The following FAM90A1 variants were observed in gnomAD, a reference collection of about 807,000 sequenced individuals.
The protein encoded by FAM90A1 is protein FAM90A1.
A neutral mutation model predicts 14.8 loss-of-function variants in FAM90A1; 10 were observed. The observed-to-expected ratio is 0.67, with a 90% confidence interval of 0.42 to 1.14. FAM90A1 has a LOEUF of 1.14. Ranked by LOEUF, FAM90A1 falls within the 50% of genes most tolerant of loss-of-function variation. The probability of loss-of-function intolerance (pLI) is 0.00; values close to 1 mark genes in which losing one functional copy is unlikely to be tolerated. For synonymous variants in FAM90A1, 236 were observed against 248.4 expected (o/e 0.95, Z 0.47); for missense variants, 567 against 602.8 (o/e 0.94, Z 0.62).
Position 8,224,367 on chromosome 12 carries a change from C to T in FAM90A1, c.124-152G>A, listed in dbSNP as rs372540688. 1,051 of 777,366 alleles carry T rather than the reference C, an allele frequency of 1.4e-3. 14 individuals carry two copies. The South Asian group carries it at 0.016, about 12-fold the overall frequency. The allele number at this position is 777,366 out of a possible 1,614,324, so 48.2% of individuals were successfully genotyped here. On this transcript the variant is annotated intron_variant, in intron 4 of 6. Coordinates refer to ENST00000538603, the MANE Select transcript of FAM90A1 (RefSeq NM_018088.3). ...GGGGCCGTTAAGTGCTGGGAGAGTT[C>T]GGATACGATGTTCCCTCCCAAAGCC...
In FAM90A1 at chr12:8,221,993, C is replaced by G. The variant is rs11044099; in HGVS notation, c.1224G>C (p.Leu408=). 468 of 1,597,348 alleles carry G rather than the reference C, an allele frequency of 2.9e-4. 3 individuals carry two copies. Among genetic ancestry groups the G allele is most frequent in the East Asian group, 1.5e-3 (67 of 44,850 alleles). ...RLENGRWSSS[L]LTAPSFHSPE... ...GAGAGTGAAATGAGGGGGCCGTCAG[C>G]AGGCTGGAGCTCCAGCGTCCGTTTT... The change falls in exon 7 of 7, where the codon CTG becomes CTC. Residue 408 remains leucine (L), a synonymous_variant. Coordinates refer to ENST00000538603, the MANE Select transcript of FAM90A1 (RefSeq NM_018088.3).
rs779104461 is a variant in FAM90A1, at chr12:8,222,530, T to A, written c.687A>T (p.Thr229=). The A allele has an allele frequency of 1.3e-5, 21 of 1,611,902 alleles. No homozygotes were observed. In the Admixed American group the frequency reaches 3.5e-4, roughly 27 times the overall value. ...GPEPLLVVKP[T]HSSPAGGCRE... ...GACAGCCACCCGCAGGGCTGCTGTG[T>A]GTCGGCTTCACCACGAGGAGAGGCT... Residue 229 remains threonine (T), a synonymous_variant, in exon 7 of 7, where the codon ACA becomes ACT. Coordinates refer to ENST00000538603, the MANE Select transcript of FAM90A1 (RefSeq NM_018088.3).
chr12:8,222,637 A>T lies in FAM90A1; in HGVS notation c.580T>A (p.Ser194Thr). ...CTTTCCTTTGGTCCAAGACTTGAGGAGGAGCTCAGACTGGCTTTTCTGAGG... is the reference window on the plus strand; with the variant it reads ...CTTTCCTTTGGTCCAAGACTTGAGGTGGAGCTCAGACTGGCTTTTCTGAGG... ...SPLRKASLSSSSSLGPKERQT... is the reference protein window; with the variant it reads ...SPLRKASLSSTSSLGPKERQT... The change falls in exon 7 of 7, where the codon TCC (serine) becomes ACC (threonine). Residue 194 changes from serine (S) to threonine (T), a missense_variant. Ser to Thr is a moderately conservative substitution (Grantham distance 58). Coordinates refer to ENST00000538603, the MANE Select transcript of FAM90A1 (RefSeq NM_018088.3). 2 of 1,611,734 alleles carry T rather than the reference A, an allele frequency of 1.2e-6. No homozygotes were observed. Among genetic ancestry groups the T allele is most frequent in the Non-Finnish European group, 8.5e-7 (1 of 1,179,854 alleles).
intron 1 of FAM90A1, 82 bp downstream of exon 1, chr12:8,227,398 G>C (rs1201089362): frequency 2.6e-6 from 1 of 388,800 alleles, no homozygotes; most frequent in East Asian, 5.4e-5. Flanking sequence ...AGGGCAGCGG[G>C]AGTCCTCGTG....
At position 8,224,013 on chromosome 12, in the gene FAM90A1, C is replaced by T. The variant is rs1374781806; in HGVS notation, c.323+3G>A. ...AGTGGTGAAAACCACTCCCACTGCT[C>T]ACCTTGGTCTCTCTTCCTTCTCTCC... On this transcript the variant is annotated splice_donor_region_variant and intron_variant, in intron 5 of 6. Coordinates refer to ENST00000538603, the MANE Select transcript of FAM90A1 (RefSeq NM_018088.3). 15 of 1,611,904 alleles carry T rather than the reference C, an allele frequency of 9.3e-6. No individual in the cohort carries two copies. The highest frequency in any genetic ancestry group is 1.2e-5 in the Non-Finnish European group (14 of 1,179,780).
chr12:8,224,330 G>A (rs1391628734), intron 4 of FAM90A1, 115 bp from the exon 5 acceptor site: 3 of 950,738 alleles, frequency 3.2e-6, no homozygotes, highest in Admixed American at 3.9e-5. Flanking sequence ...CCAAAGAGGG[G>A]ACACCGGCAT....
Position 8,222,738 on chromosome 12 carries a change from C to T in FAM90A1, c.479G>A (p.Arg160His), listed in dbSNP as rs756120013. The T allele has an allele frequency of 4.4e-6, 7 of 1,603,738 alleles. No individual in the cohort carries two copies. The highest frequency in any genetic ancestry group is 5.9e-6 in the Non-Finnish European group (7 of 1,179,794). Residue 160 changes from arginine to histidine, a missense_variant, in exon 7 of 7, where the codon CGT (arginine) becomes CAT (histidine). By Grantham distance (29) the Arg-to-His change is conservative. Transcript: ENST00000538603. Reference sequence around the variant, plus strand: ...GCGATCAGAGAGGACAGGGTCCACACGCGGCCTCTTACTGGTTGTGTGGAC... The same window carrying T: ...GCGATCAGAGAGGACAGGGTCCACATGCGGCCTCTTACTGGTTGTGTGGAC... ...MPVHTTSKRP[R>H]VDPVLSDRSA...
At chr12:8,224,550 A>C (rs1228116803) in intron 4 of FAM90A1, among the ~76,000 whole-genome samples, 160 bp downstream of exon 4, 2 of 152,198 alleles carry the variant, frequency 1.3e-5, no homozygotes, top group African/African-American at 4.8e-5. Flanking sequence ...CGGGCCGGGG[A>C]GGAGGTCCCA....
In FAM90A1 at chr12:8,222,614, T is replaced by C. The variant is rs769212180; in HGVS notation, c.603A>G (p.Glu201=). ...TGTCGGCCGCAGCCCCTGTCTGTCT[T>C]TCCTTTGGTCCAAGACTTGAGGAGG... ...LSSSSSLGPK[E]RQTGAAADIP... Residue 201 remains glutamate (E), a synonymous_variant, in exon 7 of 7, where the codon GAA becomes GAG. Coordinates refer to ENST00000538603, the MANE Select transcript of FAM90A1 (RefSeq NM_018088.3). The C allele has an allele frequency of 4.3e-6, 7 of 1,611,846 alleles. No individual in the cohort carries two copies. The highest frequency in any genetic ancestry group is 5.1e-6 in the Non-Finnish European group (6 of 1,179,872).
Position 8,221,421 on chromosome 12 carries a change from G to T in FAM90A1, c.*401C>A. The T allele has an allele frequency of 2.9e-6, 1 of 343,314 alleles. No individual in the cohort carries two copies. The highest frequency in any genetic ancestry group is 2.7e-5 in the South Asian group (1 of 37,668). The allele number at this position is 343,314 out of a possible 1,614,324, so 21.3% of individuals were successfully genotyped here. ...CACTGCTCTCAGGGCGGGGCACAGC[G>T]GAAGGGCTGCACCTCTCAGGGTTCC... On this transcript the variant is annotated 3_prime_UTR_variant, in exon 7 of 7. Coordinates refer to ENST00000538603, the MANE Select transcript of FAM90A1 (RefSeq NM_018088.3).
In FAM90A1 at chr12:8,222,310, T is replaced by A. The variant is rs1948846658; in HGVS notation, c.907A>T (p.Asn303Tyr). ...SAPAPIQACLNFPKKPRLGPF... is the reference protein window; with the variant it reads ...SAPAPIQACLYFPKKPRLGPF... ...CCCAGTCTCGGTTTCTTGGGGAAGT[T>A]CAGGCAAGCCTGAATCGGAGCCGGG... The change falls in exon 7 of 7, where the codon AAC becomes TAC. Residue 303 changes from asparagine to tyrosine, a missense_variant. Asn to Tyr is a moderately radical substitution (Grantham distance 143, BLOSUM62 -2). Coordinates refer to ENST00000538603, the MANE Select transcript of FAM90A1 (RefSeq NM_018088.3). The A allele has an allele frequency of 6.2e-7, 1 of 1,611,436 alleles. No homozygotes were observed.
At chr12:8,223,361 G>A (rs538349080) in intron 6 of FAM90A1, 88 bp downstream of exon 6, 128 of 782,972 alleles carry the variant, frequency 1.6e-4, no homozygotes, top group Non-Finnish European at 2.3e-4. Context: ...GGGGTTCCCC[G>A]ATTCCCTCCC....
intron 5 of FAM90A1, 106 bp from the exon 6 acceptor site, chr12:8,223,663 G>A (rs577367388): frequency 1.3e-6 from 1 of 764,818 alleles, no homozygotes; most frequent in Non-Finnish European, 2.4e-6. Context: ...ATACAGAAAT[G>A]GACATCTGGT....
At position 8,227,610 on chromosome 12, in the gene FAM90A1, A is replaced by C. The variant is rs1273293122; in HGVS notation, c.-551T>G. On this transcript the variant is annotated 5_prime_UTR_variant, in exon 1 of 7. Coordinates refer to ENST00000538603, the MANE Select transcript of FAM90A1 (RefSeq NM_018088.3). ...TCTGGAAGGGCCCGGATGGGGCCTG[A>C]CTGGAGCTGCCGAGGGGTGGAGCTT... 3 of 1,562,604 alleles carry C rather than the reference A, an allele frequency of 1.9e-6. No individual in the cohort carries two copies. The highest frequency in any genetic ancestry group is 1.4e-5 in the African/African-American group (1 of 73,598).
Position 8,221,542 on chromosome 12 carries a change from C to T in FAM90A1, c.*280G>A, listed in dbSNP as rs1948820710. ...CAGCGGAAGTCTGACTCCTGCGCGTCATGCAGTTTCTGAGGCAACGAATCA... is the reference window on the plus strand; with the variant it reads ...CAGCGGAAGTCTGACTCCTGCGCGTTATGCAGTTTCTGAGGCAACGAATCA... On this transcript the variant is annotated 3_prime_UTR_variant, in exon 7 of 7. Coordinates refer to ENST00000538603, the MANE Select transcript of FAM90A1 (RefSeq NM_018088.3). 5.7e-6 allele frequency: 3 copies of T among 525,752 alleles called. No homozygotes were observed. Among genetic ancestry groups the T allele is most frequent in the East Asian group, 7.1e-5 (2 of 28,192 alleles). 32.6% of individuals were successfully genotyped at this position (525,752 alleles called of 1,614,324 possible). A position where few individuals can be genotyped will look rare whatever the true frequency, so the allele number is the denominator to read the frequency against.
At chr12:8,223,336 AG>A (rs1565429555) in intron 6 of FAM90A1, 112 bp downstream of exon 6, 1 of 661,532 alleles carries the variant, frequency 1.5e-6, no homozygotes, top group African/African-American at 1.8e-5. Context: ...TCTGACCCCA[AG>A]AAGGCAAGAA....
In FAM90A1 at chr12:8,221,897, A is replaced by G. The variant is rs746003433; in HGVS notation, c.1320T>C (p.Arg440=). The part of the protein sequence containing the change: ...VSEKSEGPCV[R]VPPSVLYEDL... ...CCTCATAGAGGACGCTTGGTGGGAC[A>G]CGAACACAGGGACCCTCAGACTTCT... is the stretch of plus-strand genomic sequence containing the variant. The change falls in exon 7 of 7, where the codon CGT becomes CGC. Residue 440 remains arginine, a synonymous_variant. Coordinates refer to ENST00000538603, the MANE Select transcript of FAM90A1 (RefSeq NM_018088.3). 7 of 1,596,498 alleles carry G rather than the reference A, an allele frequency of 4.4e-6. No individual in the cohort carries two copies. The highest frequency in any genetic ancestry group is 5.9e-6 in the Non-Finnish European group (7 of 1,179,778).
chr12:8,226,799 T>C (rs1948952674), intron 1 of FAM90A1, among the ~76,000 whole-genome samples: 2 of 142,480 alleles, frequency 1.4e-5, no homozygotes, highest in Admixed American at 7.3e-5. Flanking sequence ...TCTTCATTGA[T>C]GTCTTTTTTT....
At position 8,221,373 on chromosome 12, in the gene FAM90A1, A is replaced by AGC. The variant is rs1466820107; in HGVS notation, c.*447_*448dup. 3 of 283,810 alleles carry AGC rather than the reference A, an allele frequency of 1.1e-5. No homozygotes were observed. The highest frequency in any genetic ancestry group is 6.6e-5 in the African/African-American group (3 of 45,280). 17.6% of individuals were successfully genotyped at this position (283,810 alleles called of 1,614,324 possible). A position where few individuals can be genotyped will look rare whatever the true frequency, so the allele number is the denominator to read the frequency against. On this transcript the variant is annotated 3_prime_UTR_variant, in exon 7 of 7. Coordinates refer to ENST00000538603, the MANE Select transcript of FAM90A1 (RefSeq NM_018088.3). ...GAAAGACCCCGAGAGCGCTTTGCAC[A>AGC]GCGCGCTTCCCAGCGTCCGAAACAC...
Sources: allele counts gnomAD v4.1 joint callset (sites outside exome capture counted in the v4.1 genomes callset), GRCh38; gene constraint gnomAD v4.1.1; transcripts MANE v1.5; gene names NCBI Gene and HGNC (gene_info 2026-07-23, HGNC 2026-07-21).